The following FOCAD variants were observed in gnomAD, a reference collection of about 807,000 sequenced individuals.
FOCAD encodes the protein KIAA1797.
A neutral mutation model predicts 225.6 loss-of-function variants in FOCAD; 198 were observed. The observed-to-expected ratio is 0.88, with a 90% CI of 0.78 to 0.99. FOCAD has a LOEUF of 0.99. Ranked by LOEUF, FOCAD falls within the 50% of genes least tolerant of loss-of-function variation. FOCAD has a pLI of 0.00. For missense variants in FOCAD, 2,713 were observed against 2,123.6 expected (o/e 1.28, Z -5.46); for synonymous variants, 897 against 755.0 (o/e 1.19, Z -3.08).
chr9:20,820,958 A>ACT lies in FOCAD; in HGVS notation c.1681_1682dup (p.Gln562CysfsTer24), dbSNP rs1376586785. 6.2e-7 allele frequency: 1 copy of ACT among 1,612,310 alleles called. No individual in the cohort carries two copies. The highest frequency in any genetic ancestry group is 1.3e-5 in the African/African-American group (1 of 74,762). On this transcript the variant is annotated frameshift_variant, in exon 14 of 44. Coordinates refer to ENST00000338382, the MANE Select transcript of FOCAD (RefSeq NM_001375567.1). LOFTEE classifies it high-confidence loss of function. Reference sequence around the variant, plus strand: ...CTTCGTAGGACCGAGTCTATCCTGAACTGCAGCGTTTCATGGCTGTGTCTG... The same window carrying ACT: ...CTTCGTAGGACCGAGTCTATCCTGAACTCTGCAGCGTTTCATGGCTGTGTCTG...
At chr9:20,783,579 T>C (rs1051874384) in intron 10 of FOCAD, among the ~76,000 whole-genome samples, 19 of 142,258 alleles carry the variant, frequency 1.3e-4, no homozygotes, top group Non-Finnish European at 6.3e-5. Flanking sequence ...TATTTGACTA[T>C]TGGATTTTTT....
intron 25 of FOCAD, among the ~76,000 whole-genome samples, chr9:20,925,813 T>C (rs1364370007): frequency 1.3e-5 from 2 of 152,216 alleles, no homozygotes; most frequent in Admixed American, 1.3e-4. Flanking sequence ...GTTGGGTGAA[T>C]GTTGTCAAGA....
At chr9:20,845,442 GATATATATATAT>G (rs3086547) in intron 15 of FOCAD, among the ~76,000 whole-genome samples, 1 of 121,236 alleles carries the variant, frequency 8.2e-6, no homozygotes, top group South Asian at 2.7e-4. Context: ...TCTTTTCCTC[GATATATATATAT>G]ATATATATAT....
chr9:20,732,005 A>G (rs1015029019), intron 4 of FOCAD, among the ~76,000 whole-genome samples: 2 of 152,198 alleles, frequency 1.3e-5, no homozygotes, highest in African/African-American at 2.4e-5. Flanking sequence ...GGTGTGTTAC[A>G]TAGGTAAACA....
chr9:20,791,837 G>T (rs555575276), intron 11 of FOCAD, among the ~76,000 whole-genome samples: 1 of 152,162 alleles, frequency 6.6e-6, no homozygotes, highest in African/African-American at 2.4e-5. Flanking sequence ...CCCAAAGGAA[G>T]GATAGATAGT....
At chr9:20,953,757 G>T (rs374211081) in intron 35 of FOCAD, among the ~76,000 whole-genome samples, 1 of 152,084 alleles carries the variant, frequency 6.6e-6, no homozygotes, top group South Asian at 2.1e-4. Context: ...CTTCGTTACC[G>T]TGATATTCTT....
chr9:20,656,142 T>C (rs565242402), upstream of FOCAD, among the ~76,000 whole-genome samples: 2,524 of 149,394 alleles, frequency 0.017, 38 homozygotes, highest in Middle Eastern at 0.092. Context: ...GTCTGAGAGA[T>C]AGTTTGTTAT....
intron 7 of FOCAD, among the ~76,000 whole-genome samples, chr9:20,767,958 T>G (rs922168511): frequency 1.1e-3 from 172 of 152,292 alleles, no homozygotes; most frequent in African/African-American, 3.8e-3. Context: ...TATGGTTTTA[T>G]GTCTAATGTT....
rs77597569 is a variant in FOCAD at position 20,739,602 on chromosome 9, T to TAA, written c.288-619_288-618dup. Among the ~76,000 whole-genome samples, 90 of 140,016 alleles carry TAA rather than the reference T, an allele frequency of 6.4e-4. No homozygotes were observed. In the East Asian group the frequency reaches 0.017, roughly 26 times the overall value. 91.9% of individuals were successfully genotyped at this position (140,016 alleles called of 152,430 possible). ...TGGGCAACAAGAGTGAAACTCCATC[T>TAA]AAAAAAAAAAAAAAAATTACTTTTT... On this transcript the variant is annotated intron_variant, in intron 4 of 43. Transcript: ENST00000338382.
At chr9:20,765,521 G>A (rs1020019922) in intron 7 of FOCAD, among the ~76,000 whole-genome samples, 2 of 152,122 alleles carry the variant, frequency 1.3e-5, no homozygotes, top group Non-Finnish European at 2.9e-5. Context: ...CTAGATTCCA[G>A]CTTCCACATG....
intron 15 of FOCAD, among the ~76,000 whole-genome samples, chr9:20,837,546 T>G (rs1826111614): frequency 6.6e-6 from 1 of 151,900 alleles, no homozygotes; most frequent in Non-Finnish European, 1.5e-5. Flanking sequence ...TGGGTAGGGT[T>G]TTTTTTTGGG....
At chr9:20,987,377 G>A (rs942233244) in intron 40 of FOCAD, among the ~76,000 whole-genome samples, 5 of 152,040 alleles carry the variant, frequency 3.3e-5, no homozygotes, top group African/African-American at 4.8e-5. Context: ...TTGTGGTGGC[G>A]TAAGCATGTA....
chr9:20,980,816 T>G (rs1352421679), intron 37 of FOCAD, among the ~76,000 whole-genome samples: 2 of 152,230 alleles, frequency 1.3e-5, no homozygotes, highest in African/African-American at 2.4e-5. Context: ...TGAAGCCCAC[T>G]TGGTTGAAGT....
chr9:20,919,016 A>G (rs1834127655), intron 24 of FOCAD, among the ~76,000 whole-genome samples: 1 of 152,140 alleles, frequency 6.6e-6, no homozygotes, highest in Non-Finnish European at 1.5e-5. Context: ...GTTCAGAGCT[A>G]GAAGTTAAAT....
upstream of FOCAD, chr9:20,684,025 C>T (rs1275594776): frequency 6.6e-6 from 1 of 152,366 alleles, no homozygotes; most frequent in Non-Finnish European, 1.5e-5. Flanking sequence ...CACAGCCAGC[C>T]CCCGCGCGCA....
chr9:20,842,233 A>T (rs1302206051), intron 15 of FOCAD, among the ~76,000 whole-genome samples: 1 of 151,848 alleles, frequency 6.6e-6, no homozygotes, highest in Non-Finnish European at 1.5e-5. Flanking sequence ...CAGCTGTTGG[A>T]TGAAATGCAG....
At chr9:20,920,834 G>T (rs1396578071) in intron 24 of FOCAD, among the ~76,000 whole-genome samples, 4 of 150,396 alleles carry the variant, frequency 2.7e-5, no homozygotes, top group African/African-American at 7.3e-5. Flanking sequence ...GAGTGGGGAG[G>T]GATAGCATTA....
At chr9:20,830,594 T>C (rs1825383374) in intron 15 of FOCAD, among the ~76,000 whole-genome samples, 1 of 152,168 alleles carries the variant, frequency 6.6e-6, no homozygotes, top group Non-Finnish European at 1.5e-5. Context: ...GCGACATATT[T>C]TAATGGCTTA....
At chr9:20,731,356 A>G (rs1420288219) in intron 4 of FOCAD, among the ~76,000 whole-genome samples, 1 of 152,226 alleles carries the variant, frequency 6.6e-6, no homozygotes, top group African/African-American at 2.4e-5. Flanking sequence ...TCTTCCCAGT[A>G]TTTACAGTTA....
Sources: gnomAD v4.1 joint callset for allele counts (sites outside exome capture counted in the v4.1 genomes callset) on GRCh38, gnomAD v4.1.1 for gene constraint, MANE v1.5 for transcripts, NCBI Gene and HGNC (gene_info 2026-07-23, HGNC 2026-07-21) for gene names.